Variants in TLL2 observed in about 807,000 individuals in gnomAD.
The protein encoded by TLL2 is tolloid-like protein 2.
A neutral mutation model predicts 123.0 loss-of-function variants in TLL2; 106 were observed. That is an observed-to-expected ratio of 0.86 (90% CI 0.74 to 1.01). The LOEUF (loss-of-function observed/expected upper bound fraction) is 1.01. TLL2 is among the 50% of genes least tolerant of loss of function. TLL2 has a pLI of 0.00. For synonymous variants in TLL2, 494 were observed against 516.8 expected (o/e 0.96, Z 0.60); for missense variants, 1,332 against 1,336.7 (o/e 1.00, Z 0.06).
chr10:96,396,064 A>C (rs1846336996), intron 11 of TLL2, 44 bp from the exon 12 acceptor site: 2 of 1,602,170 alleles, frequency 1.2e-6, no homozygotes, highest in South Asian at 2.2e-5. Flanking sequence ...GGCCCTGGTC[A>C]GATCTTACTT....
intron 13 of TLL2, among the ~76,000 whole-genome samples, chr10:96,392,595 C>T (rs1308444843): frequency 2.0e-5 from 3 of 152,088 alleles, no homozygotes; most frequent in African/African-American, 7.2e-5. Flanking sequence ...GGAATGGAGC[C>T]CCAGCACCCA....
chr10:96,416,058 T>C lies in TLL2; in HGVS notation c.924-2742A>G, dbSNP rs540943969. The stretch of plus-strand genomic sequence containing the variant: ...CTGGACTCCTGCAGAGAAACTTTAG[T>C]GGAATCCTTGGCCTCCCTCACTGAC... On this transcript the variant is annotated intron_variant, in intron 7 of 20. Coordinates refer to ENST00000357947, the MANE Select transcript of TLL2 (RefSeq NM_012465.4). Among the ~76,000 whole-genome samples the C allele has an allele frequency of 1.2e-4, 19 of 152,154 alleles. No individual in the cohort carries two copies. In the East Asian group the frequency reaches 3.7e-3, roughly 30 times the overall value.
intron 1 of TLL2, among the ~76,000 whole-genome samples, chr10:96,500,410 A>T (rs1847523063): frequency 6.6e-6 from 1 of 152,258 alleles, no homozygotes; most frequent in Non-Finnish European, 1.5e-5. Context: ...CTTTTGACCC[A>T]GCAATTCTAC....
chr10:96,433,442 A>G (rs907871863), intron 3 of TLL2, among the ~76,000 whole-genome samples: 6 of 152,212 alleles, frequency 3.9e-5, no homozygotes, highest in Non-Finnish European at 8.8e-5. Context: ...AAACCGTGGG[A>G]AAAGCAGACC....
intron 1 of TLL2, among the ~76,000 whole-genome samples, chr10:96,509,866 G>C (rs1457268784): frequency 6.6e-6 from 1 of 152,240 alleles, no homozygotes; most frequent in African/African-American, 2.4e-5. Flanking sequence ...AGAATGGCGT[G>C]AACCCGGGAG....
intron 2 of TLL2, among the ~76,000 whole-genome samples, chr10:96,476,240 A>ATATATATATTCTTTTTT: frequency 4.9e-5 from 1 of 20,502 alleles, no homozygotes; most frequent in African/African-American, 1.7e-4. Flanking sequence ...ATATATATAT[A>ATATATATATTCTTTTTT]TTTTATTTTT....
intron 7 of TLL2, among the ~76,000 whole-genome samples, chr10:96,417,797 G>C (rs1305455231): frequency 6.6e-6 from 1 of 152,148 alleles, no homozygotes; most frequent in African/African-American, 2.4e-5. Context: ...GGTCATTCTG[G>C]ACTCCCCAGC....
chr10:96,485,334 G>A (rs1847346749), intron 1 of TLL2, among the ~76,000 whole-genome samples: 1 of 152,076 alleles, frequency 6.6e-6, no homozygotes, highest in Non-Finnish European at 1.5e-5. Context: ...CAGAAAAGGA[G>A]GACATTATCA....
chr10:96,477,930 C>A (rs564622639), intron 2 of TLL2, among the ~76,000 whole-genome samples: 3 of 152,324 alleles, frequency 2.0e-5, no homozygotes, highest in South Asian at 4.1e-4. Context: ...AAGGTCCTGG[C>A]CCAGACTCTG....
At chr10:96,505,873 C>T (rs1030376407) in intron 1 of TLL2, among the ~76,000 whole-genome samples, 1 of 152,156 alleles carries the variant, frequency 6.6e-6, no homozygotes, top group Non-Finnish European at 1.5e-5. Flanking sequence ...GCCTGTTAAT[C>T]AGAGTTTCTA....
chr10:96,426,072 G>C (rs1354533632), intron 5 of TLL2, among the ~76,000 whole-genome samples: 1 of 151,898 alleles, frequency 6.6e-6, no homozygotes, highest in Admixed American at 6.6e-5. Context: ...GTGCTACCTT[G>C]GTTACTTTTT....
At chr10:96,427,142 T>C (rs1474473347) in intron 5 of TLL2, among the ~76,000 whole-genome samples, 2 of 152,218 alleles carry the variant, frequency 1.3e-5, no homozygotes, top group African/African-American at 4.8e-5. Flanking sequence ...GGGGGGACTT[T>C]TAACTTACCA....
chr10:96,493,774 C>T (rs1018183245), intron 1 of TLL2, among the ~76,000 whole-genome samples: 5 of 152,140 alleles, frequency 3.3e-5, no homozygotes, highest in Non-Finnish European at 7.3e-5. Context: ...CAGCATCCAG[C>T]GCAGGGCCTG....
intron 10 of TLL2, among the ~76,000 whole-genome samples, chr10:96,400,357 C>CAAAAAAAAAAAA (rs55975748): frequency 3.6e-5 from 4 of 109,890 alleles, no homozygotes; most frequent in Non-Finnish European, 5.5e-5. Flanking sequence ...CTACTACCAT[C>CAAAAAAAAAAAA]AAAAAAAAAA....
intron 1 of TLL2, among the ~76,000 whole-genome samples, chr10:96,492,557 G>A (rs1472682882): frequency 6.6e-6 from 1 of 152,224 alleles, no homozygotes; most frequent in Non-Finnish European, 1.5e-5. Context: ...CCAGGAGGCA[G>A]AGGTTGCAGT....
Position 96,376,688 on chromosome 10 carries a change from T to C in TLL2, c.2448+4A>G. On this transcript the variant is annotated splice_donor_region_variant and intron_variant, in intron 18 of 20. Transcript: ENST00000357947. ...ATTCTCAATAAACTACAAAAATGAC[T>C]CACGAGTTTCACTCTGTGGCCTGCA... 6.2e-7 allele frequency: 1 copy of C among 1,609,440 alleles called. No homozygotes were observed. Among genetic ancestry groups the C allele is most frequent in the Non-Finnish European group, 8.5e-7 (1 of 1,178,032 alleles).
At chr10:96,384,846 C>T in intron 15 of TLL2, 79 bp from the exon 16 acceptor site, 2 of 1,385,314 alleles carry the variant, frequency 1.4e-6, no homozygotes, top group Non-Finnish European at 1.9e-6. Flanking sequence ...GCACCTGCTT[C>T]CTGAGCGCCT....
intron 1 of TLL2, among the ~76,000 whole-genome samples, chr10:96,484,300 A>C (rs1230280028): frequency 6.6e-6 from 1 of 152,234 alleles, no homozygotes; most frequent in Non-Finnish European, 1.5e-5. Context: ...TATCAGGCTG[A>C]GACATAGAGT....
At position 96,501,095 on chromosome 10, in the gene TLL2, G is replaced by A. The variant is rs549177801; in HGVS notation, c.175+12416C>T. On this transcript the variant is annotated intron_variant, in intron 1 of 20. Transcript: ENST00000357947. ...GTGTGGGAATATCATACAACAGAAT[G>A]TTCACAACAATTACTTCTAGGCAAT... 5.9e-5 allele frequency among the ~76,000 whole-genome samples: 9 copies of A among 152,224 alleles called. No homozygotes were observed. The East Asian group carries it at 1.5e-3, about 26-fold the overall frequency.
Sources: allele counts gnomAD v4.1 joint callset (sites outside exome capture counted in the v4.1 genomes callset), GRCh38; gene constraint gnomAD v4.1.1; transcripts MANE v1.5; gene names NCBI Gene and HGNC (gene_info 2026-07-23, HGNC 2026-07-21).